Variants in DDX47 observed in about 807,000 individuals in gnomAD.
DDX47 encodes probable ATP-dependent RNA helicase DDX47.
DDX47 carries 60 observed loss-of-function variants against 58.8 expected under a neutral mutation model. That is an observed-to-expected ratio of 1.02 (90% CI 0.83 to 1.26). The LOEUF (loss-of-function observed/expected upper bound fraction) is 1.26. DDX47 is among the 50% of genes most tolerant of loss of function. The pLI is 0.00. For missense variants in DDX47, 530 were observed against 573.2 expected (o/e 0.92, Z 0.77); for synonymous variants, 197 against 204.6 (o/e 0.96, Z 0.32).
At chr12:12,821,106 T>C in intron 2 of DDX47, 102 bp from the exon 3 acceptor site, 1 of 1,193,036 alleles carries the variant, frequency 8.4e-7, no homozygotes, top group Non-Finnish European at 1.2e-6. Flanking sequence ...GTTCATCAGA[T>C]ATTTATTAAG....
chr12:12,826,219 T>C (rs1446268885), intron 10 of DDX47, 149 bp downstream of exon 10: 1 of 564,536 alleles, frequency 1.8e-6, no homozygotes, highest in Non-Finnish European at 3.0e-6. Context: ...GGAATAATAA[T>C]ACCTATCTAG....
rs1234790983 is a variant in DDX47 at position 12,829,554 on chromosome 12, A to G, written c.1368A>G (p.Ter456=). 6.2e-7 allele frequency: 1 copy of G among 1,613,402 alleles called. No homozygotes were observed. Among genetic ancestry groups the G allele is most frequent in the East Asian group, 2.2e-5 (1 of 44,884 alleles). The part of the protein sequence containing the change: ...GGKMKKRKGR[*] ...AAATGAAGAAGCGGAAAGGCCGTTA[A>G]TCACTTTTATGAAGGCTCGAGTTCT... Residue 456 remains the stop codon, a stop_retained_variant, in exon 12 of 12, where the codon TAA becomes TAG. Coordinates refer to ENST00000358007, the MANE Select transcript of DDX47 (RefSeq NM_016355.4).
In DDX47 at chr12:12,823,210, A is replaced by C. The variant is rs1462491513; in HGVS notation, c.641A>C (p.Lys214Thr). ...FSATMTKKVQ[K>T]LQRAALKNPV... ...TGGATCTTCTTCCTTCAGGTTCAAA[A>C]ACTTCAGCGAGCAGCTCTGAAGAAT... Residue 214 changes from lysine (K) to threonine (T), a missense_variant, in exon 7 of 12, where the codon AAA becomes ACA. Coordinates refer to ENST00000358007, the MANE Select transcript of DDX47 (RefSeq NM_016355.4). 9 of 1,612,164 alleles carry C rather than the reference A, an allele frequency of 5.6e-6. No individual in the cohort carries two copies. The highest frequency in any genetic ancestry group is 1.3e-5 in the African/African-American group (1 of 74,886).
In DDX47 at chr12:12,821,657, G is replaced by A; in HGVS notation, c.373G>A (p.Val125Met). Residue 125 changes from valine (V) to methionine (M), a missense_variant and splice_region_variant, in exon 4 of 12, where the codon GTG becomes ATG. By Grantham distance (21) the Val-to-Met change is conservative. Transcript: ENST00000358007. ...LGSSIGVQSAVIVGGIDSMSQ... is the reference protein window; with the variant it reads ...LGSSIGVQSAMIVGGIDSMSQ... ...CTATGTTCTTTTTTTCTCTGTAGCT[G>A]TGATTGTAGGTGGAATTGATTCAAT... 1 of 1,613,880 alleles carries A rather than the reference G, an allele frequency of 6.2e-7. No homozygotes were observed. The highest frequency in any genetic ancestry group is 8.5e-7 in the Non-Finnish European group (1 of 1,179,834).
At chr12:12,815,948 T>C (rs1862888314) in intron 2 of DDX47, among the ~76,000 whole-genome samples, 1 of 152,164 alleles carries the variant, frequency 6.6e-6, no homozygotes, top group Non-Finnish European at 1.5e-5. Flanking sequence ...TTTGTAATGA[T>C]TTTTGCAATC....
chr12:12,825,955 C>A, intron 9 of DDX47, 45 bp from the exon 10 acceptor site: 1 of 1,499,354 alleles, frequency 6.7e-7, no homozygotes, highest in Non-Finnish European at 9.1e-7. Flanking sequence ...TTTTTTTAAA[C>A]TTATAATCCA....
In DDX47 at chr12:12,827,370, C is replaced by T. The variant is rs201442242; in HGVS notation, c.1231C>T (p.Arg411Ter). ...ERVAEAQRFA[R>*]MELREHGEKK... ...CGTCGCTGAAGCCCAAAGGTTTGCCCGAATGGTATGCATCTTTCTTTTCTC... is the reference window on the plus strand; with the variant it reads ...CGTCGCTGAAGCCCAAAGGTTTGCCTGAATGGTATGCATCTTTCTTTTCTC... Residue 411 changes from arginine to a stop codon, truncating the protein, a stop_gained, in exon 11 of 12, where the codon CGA (arginine) becomes TGA (stop). Transcript: ENST00000358007. LOFTEE classifies it high-confidence loss of function. 2.8e-5 allele frequency: 45 copies of T among 1,613,984 alleles called. No individual in the cohort carries two copies. The highest frequency in any genetic ancestry group is 2.5e-4 in the East Asian group (11 of 44,880).
intron 11 of DDX47, among the ~76,000 whole-genome samples, chr12:12,828,309 A>C (rs1176109741): frequency 2.0e-5 from 3 of 152,226 alleles, no homozygotes; most frequent in African/African-American, 7.2e-5. Flanking sequence ...CAGACAATTA[A>C]AAATATTGTG....
chr12:12,826,198 G>T (rs1863049760), intron 10 of DDX47, 128 bp downstream of exon 10: 1 of 666,128 alleles, frequency 1.5e-6, no homozygotes, highest in Admixed American at 3.4e-5. Context: ...GGATGAAGGA[G>T]TTGAAAGATG....
At position 12,817,318 on chromosome 12, in the gene DDX47, CCTAA is replaced by C. The variant is rs1345685957; in HGVS notation, c.181+3099_181+3102del. Among the ~76,000 whole-genome samples the C allele has an allele frequency of 6.6e-5, 10 of 152,242 alleles. No individual in the cohort carries two copies. The East Asian group carries it at 1.9e-3, about 29-fold the overall frequency. ...GAGTTAAGTCCTTTGGCTAAGGTCA[CCTAA>C]CTAATTATTGCTAGAGCCTGAATTT... On this transcript the variant is annotated intron_variant, in intron 2 of 11. Transcript: ENST00000358007.
intron 2 of DDX47, among the ~76,000 whole-genome samples, chr12:12,815,239 C>T (rs1240289474): frequency 6.6e-6 from 1 of 152,034 alleles, no homozygotes; most frequent in African/African-American, 2.4e-5. Context: ...AATTATTACT[C>T]ATTAGTAATT....
At chr12:12,815,767 G>A (rs939631776) in intron 2 of DDX47, among the ~76,000 whole-genome samples, 2 of 152,084 alleles carry the variant, frequency 1.3e-5, no homozygotes, top group Non-Finnish European at 2.9e-5. Flanking sequence ...GATTGGGGCC[G>A]GATTATGAAG....
intron 5 of DDX47, 58 bp downstream of exon 5, chr12:12,822,141 T>A: frequency 1.7e-6 from 2 of 1,173,856 alleles, no homozygotes; most frequent in Non-Finnish European, 2.5e-6. Context: ...GTTTCAAAAT[T>A]TGGTTCATTG....
chr12:12,828,683 A>T (rs1427164032), intron 11 of DDX47, among the ~76,000 whole-genome samples: 1 of 152,232 alleles, frequency 6.6e-6, no homozygotes, highest in African/African-American at 2.4e-5. Flanking sequence ...TAAAAGTATT[A>T]CATGTGCATT....
At chr12:12,825,020 T>G (rs1274036594) in intron 9 of DDX47, 3 of 173,474 alleles carry the variant, frequency 1.7e-5, no homozygotes, top group Non-Finnish European at 1.2e-5. Context: ...CTGCACCCAG[T>G]CTGGAGTGCA....
chr12:12,821,544 T>C, intron 3 of DDX47, 111 bp from the exon 4 acceptor site: 1 of 1,422,562 alleles, frequency 7.0e-7, no homozygotes, highest in East Asian at 2.3e-5. Context: ...GAGTATTAAT[T>C]GTAAGGGAAG....
At chr12:12,827,678 T>C (rs1009272207) in intron 11 of DDX47, among the ~76,000 whole-genome samples, 1 of 152,124 alleles carries the variant, frequency 6.6e-6, no homozygotes, top group African/African-American at 2.4e-5. Flanking sequence ...CTGTGTGAGC[T>C]TGGGAAATTT....
intron 8 of DDX47, 21 bp downstream of exon 8, chr12:12,824,037 T>G: frequency 6.2e-7 from 1 of 1,611,016 alleles, no homozygotes; most frequent in Non-Finnish European, 8.5e-7. Flanking sequence ...ATCATCATCA[T>G]CAGCCATGCA....
intron 4 of DDX47, 28 bp downstream of exon 4, chr12:12,821,754 C>T (rs368226365): frequency 6.5e-7 from 1 of 1,545,614 alleles, no homozygotes; most frequent in African/African-American, 1.4e-5. Flanking sequence ...GTAAAAGACA[C>T]TGGCAGTGAT....
Sources: gnomAD v4.1 joint callset for allele counts (sites outside exome capture counted in the v4.1 genomes callset) on GRCh38, gnomAD v4.1.1 for gene constraint, MANE v1.5 for transcripts, NCBI Gene and HGNC (gene_info 2026-07-23, HGNC 2026-07-21) for gene names.